The following DNAH14 variants were observed in gnomAD, a reference collection of about 807,000 sequenced individuals.
DNAH14 encodes the protein dynein axonemal heavy chain 14, also known as axonemal beta dynein heavy chain 14.
DNAH14 carries 478 observed loss-of-function variants against 520.9 expected under a neutral mutation model. The ratio of observed to expected loss-of-function variants is 0.92; its 90% confidence interval spans 0.85 to 0.99. DNAH14 has a LOEUF of 0.99. Among genes scored for constraint, DNAH14 ranks in the 50% least tolerant of loss-of-function variants. The pLI is 0.00. For synonymous variants in DNAH14, 1,581 were observed against 1,757.2 expected (o/e 0.90, Z 2.51); for missense variants, 4,831 against 5,234.5 (o/e 0.92, Z 2.38).
intron 73 of DNAH14, among the ~76,000 whole-genome samples, chr1:225,355,216 G>A (rs1343712892): frequency 6.6e-6 from 1 of 152,040 alleles, no homozygotes; most frequent in African/African-American, 2.4e-5. Flanking sequence ...TTCATGGGTG[G>A]CATCGTCTTG....
At chr1:225,018,060 C>G (rs1201000711) in intron 10 of DNAH14, among the ~76,000 whole-genome samples, 1 of 152,130 alleles carries the variant, frequency 6.6e-6, no homozygotes, top group African/African-American at 2.4e-5. Flanking sequence ...AGGTTCTTAA[C>G]CACGTTGAAA....
chr1:225,207,093 A>G lies in DNAH14; in HGVS notation c.6312A>G (p.Leu2104=). ...FMIKNSVTDG[L]QFIRNRQKFQ... is the part of the protein sequence containing the mutation. ...TTAAAAATAGTGTCACAGACGGACT[A>G]CAATTTATAAGGAATCGTCAGAAAT... is the stretch of plus-strand genomic sequence containing the variant. The change falls in exon 41 of 86, where the codon CTA becomes CTG. Residue 2104 remains leucine, a synonymous_variant. Coordinates refer to ENST00000682510, the MANE Select transcript of DNAH14 (RefSeq NM_001367479.1). The G allele has an allele frequency of 1.3e-6, 2 of 1,551,112 alleles. No individual in the cohort carries two copies. Among genetic ancestry groups the G allele is most frequent in the East Asian group, 2.4e-5 (1 of 40,830 alleles).
chr1:225,063,925 G>GAAAAA (rs908315330), intron 17 of DNAH14, among the ~76,000 whole-genome samples: 1 of 145,246 alleles, frequency 6.9e-6, no homozygotes, highest in Admixed American at 6.9e-5. Flanking sequence ...GAATAAAAAA[G>GAAAAA]AAAAAAAAAA....
chr1:225,119,255 T>C lies in DNAH14; in HGVS notation c.4127T>C (p.Leu1376Pro), dbSNP rs761928558. 4 of 1,526,870 alleles carry C rather than the reference T, an allele frequency of 2.6e-6. No individual in the cohort carries two copies. The highest frequency in any genetic ancestry group is 5.0e-5 in the East Asian group (2 of 40,096). The allele number at this position is 1,526,870 out of a possible 1,614,324, so 94.6% of individuals were successfully genotyped here. A position where few individuals can be genotyped will look rare whatever the true frequency, so the allele number is the denominator to read the frequency against. ...GTAAGAAGTGCTGTAGAACAGTGGCTGGTAAATGTAGAAAAAAGCATGTTC... is the reference window on the plus strand; with the variant it reads ...GTAAGAAGTGCTGTAGAACAGTGGCCGGTAAATGTAGAAAAAAGCATGTTC... ...IRVRSAVEQW[L>P]VNVEKSMFDV... Residue 1376 changes from leucine (L) to proline (P), a missense_variant, in exon 26 of 86, where the codon CTG becomes CCG. Coordinates refer to ENST00000682510, the MANE Select transcript of DNAH14 (RefSeq NM_001367479.1).
At chr1:225,143,832 G>C (rs1573471517) in intron 28 of DNAH14, among the ~76,000 whole-genome samples, 1 of 152,112 alleles carries the variant, frequency 6.6e-6, no homozygotes, top group East Asian at 1.9e-4. Context: ...ATATAAAATA[G>C]AGTCAAGAAT....
At chr1:225,206,295 T>C in intron 40 of DNAH14, 116 bp downstream of exon 40, 1 of 931,316 alleles carries the variant, frequency 1.1e-6, no homozygotes, top group Non-Finnish European at 1.6e-6. Context: ...TCCAGCAGCA[T>C]GAACTCAATA....
chr1:225,127,139 A>G (rs1294699695), intron 27 of DNAH14, among the ~76,000 whole-genome samples: 1 of 152,168 alleles, frequency 6.6e-6, no homozygotes, highest in Non-Finnish European at 1.5e-5. Flanking sequence ...TATGTGGTCA[A>G]TTTTGGAATA....
In DNAH14 at chr1:225,307,479, T is replaced by C; in HGVS notation, c.9024T>C (p.Gly3008=). 1.3e-6 allele frequency: 2 copies of C among 1,547,178 alleles called. No individual in the cohort carries two copies. Among genetic ancestry groups the C allele is most frequent in the Non-Finnish European group, 1.7e-6 (2 of 1,145,554 alleles). Residue 3008 remains glycine, a synonymous_variant, in exon 59 of 86, where the codon GGT becomes GGC. Coordinates refer to ENST00000682510, the MANE Select transcript of DNAH14 (RefSeq NM_001367479.1). ...CCTTCAGGGATCGCTTCCATATGGGTCTATCCACAATCCTGGAAGCAACCA... is the reference window on the plus strand; with the variant it reads ...CCTTCAGGGATCGCTTCCATATGGGCCTATCCACAATCCTGGAAGCAACCA... ...MQTKRDRFHM[G]LSTILEATTL...
intron 9 of DNAH14, among the ~76,000 whole-genome samples, chr1:225,006,249 A>T (rs1023576480): frequency 6.6e-6 from 1 of 152,234 alleles, no homozygotes; most frequent in African/African-American, 2.4e-5. Context: ...GGACCCTGTT[A>T]TGATTGCGTT....
chr1:224,977,286 A>G (rs1236028704), intron 8 of DNAH14, among the ~76,000 whole-genome samples: 5 of 143,242 alleles, frequency 3.5e-5, no homozygotes, highest in Non-Finnish European at 7.6e-5. Context: ...GAATTGAACA[A>G]TGAGAACACA....
intron 28 of DNAH14, among the ~76,000 whole-genome samples, chr1:225,143,194 G>C (rs1440306854): frequency 6.6e-5 from 10 of 152,084 alleles, no homozygotes; most frequent in South Asian, 2.1e-4. Flanking sequence ...CTAATGGAAA[G>C]GGAAAGGCTC....
intron 43 of DNAH14, among the ~76,000 whole-genome samples, chr1:225,242,162 A>G (rs915695255): frequency 6.6e-6 from 1 of 152,172 alleles, no homozygotes; most frequent in Admixed American, 6.5e-5. Context: ...TGAGCCCAAG[A>G]GTTGGAGGCT....
intron 55 of DNAH14, among the ~76,000 whole-genome samples, chr1:225,297,998 A>C (rs1213589719): frequency 1.3e-5 from 2 of 152,000 alleles, no homozygotes; most frequent in African/African-American, 4.8e-5. Flanking sequence ...AGTAAGCACA[A>C]TATTTCTTGG....
chr1:225,265,075 A>C, intron 47 of DNAH14, 107 bp from the exon 48 acceptor site: 2 of 807,052 alleles, frequency 2.5e-6, no homozygotes, highest in Non-Finnish European at 3.7e-6. Context: ...ATGACAACAA[A>C]ATAGTAAAAT....
At chr1:225,356,717 T>C (rs1319763904) in intron 73 of DNAH14, among the ~76,000 whole-genome samples, 1 of 152,162 alleles carries the variant, frequency 6.6e-6, no homozygotes, top group Non-Finnish European at 1.5e-5. Context: ...GGAGTAACAA[T>C]ATAAGAAACA....
chr1:225,343,367 T>G (rs1022819635), intron 69 of DNAH14, among the ~76,000 whole-genome samples: 3 of 152,206 alleles, frequency 2.0e-5, no homozygotes, highest in African/African-American at 7.2e-5. Context: ...GACTTTACAT[T>G]TTGTTTAAAG....
chr1:225,296,065 G>T (rs1229604613), intron 55 of DNAH14, among the ~76,000 whole-genome samples: 1 of 152,024 alleles, frequency 6.6e-6, no homozygotes, highest in South Asian at 2.1e-4. Flanking sequence ...ACTCCTGCTT[G>T]TGTTTGGTTT....
intron 54 of DNAH14, among the ~76,000 whole-genome samples, chr1:225,280,733 T>C (rs1173636661): frequency 6.6e-6 from 1 of 152,096 alleles, no homozygotes; most frequent in Non-Finnish European, 1.5e-5. Flanking sequence ...GAGAAAATCA[T>C]GAAGGCAGCA....
At chr1:224,980,565 T>C (rs771099853) in intron 8 of DNAH14, among the ~76,000 whole-genome samples, 90 of 152,134 alleles carry the variant, frequency 5.9e-4, no homozygotes, top group Non-Finnish European at 1.0e-3. Flanking sequence ...CTCACTGCCA[T>C]TAAGGGAAGG....
Sources: allele counts gnomAD v4.1 joint callset (sites outside exome capture counted in the v4.1 genomes callset), GRCh38; gene constraint gnomAD v4.1.1; transcripts MANE v1.5; gene names NCBI Gene and HGNC (gene_info 2026-07-23, HGNC 2026-07-21).